Variants in ANKRD30A observed in about 807,000 individuals in gnomAD.
The protein encoded by ANKRD30A is ankyrin repeat domain-containing protein 30A.
ANKRD30A carries 170 observed loss-of-function variants against 166.3 expected under a neutral mutation model. That is an observed-to-expected ratio of 1.02 (90% CI 0.90 to 1.16). The LOEUF (loss-of-function observed/expected upper bound fraction) is 1.16. Among genes scored for constraint, ANKRD30A ranks in the 50% most tolerant of loss-of-function variants. The pLI is 0.00. For missense variants in ANKRD30A, 1,630 were observed against 1,518.0 expected, an observed-to-expected ratio of 1.07 and a Z score of -1.23; for synonymous variants, 564 against 508.9, an observed-to-expected ratio of 1.11 and a Z score of -1.46.
At chr10:37,194,587 C>G (rs760758153) in intron 27 of ANKRD30A, among the ~76,000 whole-genome samples, 2 of 152,028 alleles carry the variant, frequency 1.3e-5, no homozygotes, top group African/African-American at 2.4e-5. Flanking sequence ...CCTTGTGATG[C>G]GCCCGTCTCG....
chr10:37,260,302 C>G, the ANKRD30A span, among the ~76,000 whole-genome samples: 1 of 152,124 alleles, frequency 6.6e-6, no homozygotes, highest in Non-Finnish European at 1.5e-5. Flanking sequence ...CTGTCCATTC[C>G]TTATTTAACT....
At chr10:37,132,900 C>T (rs1836464153) in intron 4 of ANKRD30A, among the ~76,000 whole-genome samples, 1 of 151,930 alleles carries the variant, frequency 6.6e-6, no homozygotes, top group South Asian at 2.1e-4. Context: ...CTGTGGGGGG[C>T]TGAGGCACGA....
chr10:37,216,279 G>T lies in ANKRD30A; in HGVS notation c.2968G>T (p.Glu990Ter). 1.2e-6 allele frequency: 2 copies of T among 1,608,536 alleles called. No homozygotes were observed. The highest frequency in any genetic ancestry group is 1.1e-5 in the South Asian group (1 of 90,898). The change falls in exon 32 of 36, where the codon GAA becomes TAA. Residue 990 changes from glutamate (E) to a stop codon, truncating the protein, a stop_gained. Transcript: ENST00000361713. LOFTEE classifies it high-confidence loss of function. ...DHCEQRTGKM[E>*]QMKKKFCVLK... ...CTGTGAACAACGTACAGGAAAAATG[G>T]AACAAATGAAAAAGAAGTTTTGTGT... is the stretch of plus-strand genomic sequence containing the variant.
chr10:37,206,047 C>G (rs1841971190), intron 31 of ANKRD30A, among the ~76,000 whole-genome samples: 1 of 152,048 alleles, frequency 6.6e-6, no homozygotes, highest in South Asian at 2.1e-4. Context: ...AAAGCAAAAA[C>G]AGAATTTATA....
chr10:37,247,460 A>G, the ANKRD30A span, among the ~76,000 whole-genome samples: 1 of 152,150 alleles, frequency 6.6e-6, no homozygotes, highest in Admixed American at 6.5e-5. Context: ...GTTCTGGGGC[A>G]TTGTGAATCA....
At chr10:37,148,582 G>A (rs1213438028) in intron 9 of ANKRD30A, among the ~76,000 whole-genome samples, 1 of 151,960 alleles carries the variant, frequency 6.6e-6, no homozygotes, top group Non-Finnish European at 1.5e-5. Flanking sequence ...CAGTGAACTC[G>A]CTTCAGATGT....
chr10:37,152,183 A>T, intron 12 of ANKRD30A, 62 bp downstream of exon 12: 1 of 1,378,804 alleles, frequency 7.3e-7, no homozygotes, highest in Non-Finnish European at 1.0e-6. Flanking sequence ...ACATAAAGGC[A>T]GAGGCTTAGG....
chr10:37,159,436 T>C (rs1199521017), intron 15 of ANKRD30A, among the ~76,000 whole-genome samples: 1 of 152,090 alleles, frequency 6.6e-6, no homozygotes, highest in Non-Finnish European at 1.5e-5. Flanking sequence ...GAGAATCGCT[T>C]GAAACTAGGA....
At chr10:37,198,108 TA>T (rs2132682404) in intron 29 of ANKRD30A, among the ~76,000 whole-genome samples, 1 of 152,286 alleles carries the variant, frequency 6.6e-6, no homozygotes, top group African/African-American at 2.4e-5. Context: ...TGTTTGGCTT[TA>T]GAGTCTTTTT....
chr10:37,264,026 A>T, the ANKRD30A span, among the ~76,000 whole-genome samples: 2 of 152,152 alleles, frequency 1.3e-5, no homozygotes, highest in Non-Finnish European at 2.9e-5. Context: ...AAAATGAACA[A>T]CTCAGTAGAT....
downstream of ANKRD30A, among the ~76,000 whole-genome samples, chr10:37,235,134 T>C (rs1447562334): frequency 6.6e-6 from 1 of 152,236 alleles, no homozygotes; most frequent in East Asian, 1.9e-4. Flanking sequence ...ATATAATTTC[T>C]CCTGTCTCCA....
intron 25 of ANKRD30A, among the ~76,000 whole-genome samples, chr10:37,191,865 G>C (rs1840608538): frequency 1.3e-5 from 2 of 151,888 alleles, no homozygotes; most frequent in African/African-American, 4.8e-5. Flanking sequence ...CGTGGTGGTG[G>C]GTGCCTGTAG....
intron 34 of ANKRD30A, among the ~76,000 whole-genome samples, chr10:37,221,028 C>A (rs1193418048): frequency 6.7e-6 from 1 of 148,550 alleles, no homozygotes; most frequent in Non-Finnish European, 1.5e-5. Context: ...AATTTACCAC[C>A]ATTAGTCCTT....
chr10:37,190,393 A>G (rs1316628621), intron 25 of ANKRD30A, among the ~76,000 whole-genome samples: 1 of 151,802 alleles, frequency 6.6e-6, no homozygotes, highest in Non-Finnish European at 1.5e-5. Flanking sequence ...GTCAGGAGAA[A>G]GCATCATGGT....
chr10:37,224,760 C>G (rs1355449570), intron 34 of ANKRD30A, among the ~76,000 whole-genome samples: 1 of 151,552 alleles, frequency 6.6e-6, no homozygotes, highest in Non-Finnish European at 1.5e-5. Flanking sequence ...CTTTAGATCT[C>G]TTCCTACAAC....
Position 37,161,518 on chromosome 10 carries a change from C to T in ANKRD30A, c.1901-1131C>T, listed in dbSNP as rs558210432. Among the ~76,000 whole-genome samples, 4 of 151,790 alleles carry T rather than the reference C, an allele frequency of 2.6e-5. No homozygotes were observed. The South Asian group carries it at 8.3e-4, about 32-fold the overall frequency. On this transcript the variant is annotated intron_variant, in intron 15 of 35. Transcript: ENST00000361713. ...TTCTAGGCAGGTGACAGGGGACAAA[C>T]AAGAAAGAATGTAGGCAGGTAATTC... is the stretch of plus-strand genomic sequence containing the variant.
the ANKRD30A span, among the ~76,000 whole-genome samples, chr10:37,239,405 A>C: frequency 3.9e-5 from 6 of 152,128 alleles, no homozygotes; most frequent in Non-Finnish European, 5.9e-5. Context: ...ATTTTTACTT[A>C]TTCTCTTGCC....
downstream of ANKRD30A, among the ~76,000 whole-genome samples, chr10:37,236,089 C>T (rs554471242): frequency 1.8e-4 from 27 of 152,066 alleles, no homozygotes; most frequent in Non-Finnish European, 3.1e-4. Flanking sequence ...TCTTCCAGCC[C>T]TTCCTATTGT....
chr10:37,241,594 T>C, the ANKRD30A span, among the ~76,000 whole-genome samples: 22 of 152,210 alleles, frequency 1.4e-4, no homozygotes, highest in South Asian at 4.1e-4. Flanking sequence ...TAGTGCTTTG[T>C]ATCCTGTAAT....
Sources: gnomAD v4.1 joint callset for allele counts (sites outside exome capture counted in the v4.1 genomes callset) on GRCh38, gnomAD v4.1.1 for gene constraint, MANE v1.5 for transcripts, NCBI Gene and HGNC (gene_info 2026-07-23, HGNC 2026-07-21) for gene names.